Variants in NHLRC2 observed in about 807,000 individuals in gnomAD.
The protein encoded by NHLRC2 is NHL repeat containing 2, also known as NHL repeat-containing protein 2.
Under a neutral mutation model 68.1 loss-of-function variants are expected in NHLRC2, and 33 were observed. The ratio of observed to expected loss-of-function variants is 0.48; its 90% CI spans 0.37 to 0.65. The LOEUF is 0.65. Among genes scored for constraint, NHLRC2 ranks in the 30% least tolerant of loss-of-function variants. NHLRC2 has a pLI of 0.00. For synonymous variants in NHLRC2, 311 were observed against 309.6 expected (o/e 1.00, Z -0.05); for missense variants, 761 against 853.8 (o/e 0.89, Z 1.35).
In NHLRC2 at chr10:113,913,304, A is replaced by G. The variant is rs1183511379; in HGVS notation, c.*4768A>G. 6.6e-6 allele frequency: 1 copy of G among 152,170 alleles called. No individual in the cohort carries two copies. The highest frequency in any genetic ancestry group is 6.5e-5 in the Admixed American group (1 of 15,276). The allele number at this position is 152,170 out of a possible 1,614,324, so 9.4% of individuals were successfully genotyped here. On this transcript the variant is annotated 3_prime_UTR_variant, in exon 11 of 11. Coordinates refer to ENST00000369301, the MANE Select transcript of NHLRC2 (RefSeq NM_198514.4). ...TTATATATTTATAGTAACTTAATCCAAAGAACCCCAAAAGTACTAGCAATG... is the reference window on the plus strand; with the variant it reads ...TTATATATTTATAGTAACTTAATCCGAAGAACCCCAAAAGTACTAGCAATG...
chr10:113,873,951 G>A (rs533790604), intron 2 of NHLRC2, among the ~76,000 whole-genome samples: 9 of 152,130 alleles, frequency 5.9e-5, no homozygotes, highest in African/African-American at 1.7e-4. Context: ...TTTATGTAAA[G>A]AACTTATCCA....
chr10:113,894,498 T>C (rs193111326), intron 5 of NHLRC2, among the ~76,000 whole-genome samples: 32 of 152,310 alleles, frequency 2.1e-4, no homozygotes, highest in African/African-American at 7.5e-4. Context: ...TGTGAAGATT[T>C]TGTGTGCATA....
rs950023414 is a variant in NHLRC2, at chr10:113,873,344, C to T, written c.332-3177C>T. On this transcript the variant is annotated intron_variant, in intron 2 of 10. Transcript: ENST00000369301. ...CTAATGGATGGATGGAGATTTTATA[C>T]ATGTAGAGCTAACACCAAAACTAAG... 3.3e-5 allele frequency among the ~76,000 whole-genome samples: 5 copies of T among 152,022 alleles called. No homozygotes were observed. The South Asian group carries it at 1.0e-3, about 31-fold the overall frequency.
In NHLRC2 at chr10:113,914,850, T is replaced by G; in HGVS notation, c.*6314T>G. On this transcript the variant is annotated 3_prime_UTR_variant, in exon 11 of 11. Coordinates refer to ENST00000369301, the MANE Select transcript of NHLRC2 (RefSeq NM_198514.4). ...CTTTGCAATAGGATAATATAAAGAA[T>G]AGTATTAAAAGTCAGAGGCTTTACT... 8 of 363,794 alleles carry G rather than the reference T, an allele frequency of 2.2e-5. No homozygotes were observed. Among genetic ancestry groups the G allele is most frequent in the South Asian group, 1.7e-4 (8 of 48,150 alleles). The allele number at this position is 363,794 out of a possible 1,614,324, so 22.5% of individuals were successfully genotyped here.
At chr10:113,860,269 A>C (rs1437454062) in intron 2 of NHLRC2, among the ~76,000 whole-genome samples, 1 of 152,160 alleles carries the variant, frequency 6.6e-6, no homozygotes, top group African/African-American at 2.4e-5. Flanking sequence ...TCACCCCTGA[A>C]AGACTATTTG....
rs1243599107 is a variant in NHLRC2 at position 113,913,366 on chromosome 10, A to T, written c.*4830A>T. ...AATTTAAATAAATCCATTTAATTAT[A>T]CAACTTTGCATTATATACTGTTATT... On this transcript the variant is annotated 3_prime_UTR_variant, in exon 11 of 11. Transcript: ENST00000369301. The T allele has an allele frequency of 6.6e-6, 1 of 152,236 alleles. No homozygotes were observed. Among genetic ancestry groups the T allele is most frequent in the African/African-American group, 2.4e-5 (1 of 41,462 alleles). The allele number at this position is 152,236 out of a possible 1,614,324, so 9.4% of individuals were successfully genotyped here.
chr10:113,871,015 CTTTTTT>C (rs1169108158), intron 2 of NHLRC2, among the ~76,000 whole-genome samples: 2 of 65,724 alleles, frequency 3.0e-5, no homozygotes, highest in African/African-American at 6.7e-5. Flanking sequence ...CTTCCTGCAT[CTTTTTT>C]TTTTTTTTTT....
chr10:113,902,421 T>C (rs1351691444), intron 7 of NHLRC2, 50 bp from the exon 8 acceptor site: 4 of 1,254,708 alleles, frequency 3.2e-6, no homozygotes, highest in East Asian at 2.4e-5. Flanking sequence ...AACAAAACAC[T>C]GTAAAAATTA....
chr10:113,916,202 A>G lies in NHLRC2; in HGVS notation c.*7666A>G, dbSNP rs892366725. On this transcript the variant is annotated 3_prime_UTR_variant, in exon 11 of 11. Transcript: ENST00000369301. The stretch of plus-strand genomic sequence containing the variant: ...TATTACACTTTTCAAAATGCCAGCA[A>G]GTTTTTGTTTGTATAGAGTTGGAAT... 1 of 152,126 alleles carries G rather than the reference A, an allele frequency of 6.6e-6. No individual in the cohort carries two copies. Among genetic ancestry groups the G allele is most frequent in the Admixed American group, 6.5e-5 (1 of 15,272 alleles). The allele number at this position is 152,126 out of a possible 1,614,324, so 9.4% of individuals were successfully genotyped here.
In NHLRC2 at chr10:113,915,111, C is replaced by T; in HGVS notation, c.*6575C>T. On this transcript the variant is annotated 3_prime_UTR_variant, in exon 11 of 11. Transcript: ENST00000369301. Reference sequence around the variant, plus strand: ...GGAGTTGGAAAGTGAAAACCCTAGACACTTGCTGTGGAATGTTTGCCTGGT... The same window carrying T: ...GGAGTTGGAAAGTGAAAACCCTAGATACTTGCTGTGGAATGTTTGCCTGGT... 2.2e-6 allele frequency: 1 copy of T among 456,286 alleles called. No individual in the cohort carries two copies. The allele number at this position is 456,286 out of a possible 1,614,324, so 28.3% of individuals were successfully genotyped here. A position where few individuals can be genotyped will look rare whatever the true frequency, so the allele number is the denominator to read the frequency against.
Position 113,884,288 on chromosome 10 carries a change from G to A in NHLRC2, c.947G>A (p.Gly316Asp). 6.2e-7 allele frequency: 1 copy of A among 1,610,412 alleles called. No individual in the cohort carries two copies. The change falls in exon 5 of 11, where the codon GGT (glycine) becomes GAT (aspartate). Residue 316 changes from glycine to aspartate, a missense_variant. By Grantham distance (94) the Gly-to-Asp change is moderately conservative (BLOSUM62 -1). Transcript: ENST00000369301. ...GCTGAGAAGGTGAGCACTGTAGCTG[G>A]TATTGGAATTCAAGGTACAGATAAA... ...LEAEKVSTVA[G>D]IGIQGTDKEG...
chr10:113,860,318 G>C (rs905093186), intron 2 of NHLRC2, among the ~76,000 whole-genome samples: 4 of 152,150 alleles, frequency 2.6e-5, no homozygotes, highest in Non-Finnish European at 5.9e-5. Flanking sequence ...AGCAGATTCA[G>C]TGACTTCCTA....
chr10:113,887,118 A>T (rs1428285042), intron 5 of NHLRC2, among the ~76,000 whole-genome samples: 1 of 152,212 alleles, frequency 6.6e-6, no homozygotes, highest in Non-Finnish European at 1.5e-5. Flanking sequence ...AATATTCATC[A>T]TCTCTAATCA....
chr10:113,904,003 G>A (rs988615709), intron 9 of NHLRC2, among the ~76,000 whole-genome samples: 1 of 151,342 alleles, frequency 6.6e-6, no homozygotes, highest in African/African-American at 2.4e-5. Context: ...AAAAAAAAAA[G>A]GAGAGGACTC....
At chr10:113,866,639 TAGA>T (rs1371639113) in intron 2 of NHLRC2, among the ~76,000 whole-genome samples, 1 of 152,074 alleles carries the variant, frequency 6.6e-6, no homozygotes, top group Non-Finnish European at 1.5e-5. Context: ...TATTAAAAAT[TAGA>T]AGAATGCACT....
At chr10:113,870,709 C>T (rs536271818) in intron 2 of NHLRC2, among the ~76,000 whole-genome samples, 5 of 152,128 alleles carry the variant, frequency 3.3e-5, no homozygotes, top group East Asian at 1.9e-4. Context: ...TAGGTATTGC[C>T]TAGTTCTTCA....
At chr10:113,901,156 G>T (rs1846224608) in intron 6 of NHLRC2, among the ~76,000 whole-genome samples, 1 of 152,000 alleles carries the variant, frequency 6.6e-6, no homozygotes, top group African/African-American at 2.4e-5. Flanking sequence ...AGTAATGTCT[G>T]ACCTGGCCAA....
intron 1 of NHLRC2, among the ~76,000 whole-genome samples, chr10:113,855,511 A>T (rs1437698790): frequency 6.6e-6 from 1 of 151,566 alleles, no homozygotes; most frequent in East Asian, 1.9e-4. Flanking sequence ...TCTGTCTCCC[A>T]GGCTGGAGTA....
chr10:113,914,987 C>T lies in NHLRC2; in HGVS notation c.*6451C>T. On this transcript the variant is annotated 3_prime_UTR_variant, in exon 11 of 11. Transcript: ENST00000369301. ...CAGAAGGCTGCCCCAATCACAGAGC[C>T]TGGGTAAGGTGGAACAGGAGGCAGC... The T allele has an allele frequency of 4.4e-6, 2 of 456,284 alleles. No individual in the cohort carries two copies. The highest frequency in any genetic ancestry group is 3.1e-5 in the South Asian group (2 of 64,570). 28.3% of individuals were successfully genotyped at this position (456,284 alleles called of 1,614,324 possible).
Sources: allele counts gnomAD v4.1 joint callset (sites outside exome capture counted in the v4.1 genomes callset), GRCh38; gene constraint gnomAD v4.1.1; transcripts MANE v1.5; gene names NCBI Gene and HGNC (gene_info 2026-07-23, HGNC 2026-07-21).